SOX4: variants seen among roughly 807,000 people sequenced by gnomAD.
The protein encoded by SOX4 is transcription factor SOX-4.
For missense variants in SOX4, 662 were observed against 694.9 expected (o/e 0.95, Z 0.53); for synonymous variants, 465 against 348.4 (o/e 1.33, Z -3.73).
In SOX4 at chr6:21,594,334, G is replaced by A. The variant is rs755358167; in HGVS notation, c.-201G>A. ...CTATAACTCCTCTGCGAGAGGCGGA[G>A]AACTCCTTCCCCAAATCTTTTGGGG... On this transcript the variant is annotated 5_prime_UTR_variant, in exon 1 of 1. Coordinates refer to ENST00000244745, the MANE Select transcript of SOX4 (RefSeq NM_003107.3). 50 of 518,840 alleles carry A rather than the reference G, an allele frequency of 9.6e-5. No homozygotes were observed. In the East Asian group the frequency reaches 1.7e-3, roughly 18 times the overall value. 32.1% of individuals were successfully genotyped at this position (518,840 alleles called of 1,614,324 possible).
Position 21,596,028 on chromosome 6 carries a change from C to T in SOX4, c.*69C>T, listed in dbSNP as rs553929047. 2 of 1,431,438 alleles carry T rather than the reference C, an allele frequency of 1.4e-6. No homozygotes were observed. The highest frequency in any genetic ancestry group is 1.8e-6 in the Non-Finnish European group (2 of 1,091,672). 88.7% of individuals were successfully genotyped at this position (1,431,438 alleles called of 1,614,324 possible). On this transcript the variant is annotated 3_prime_UTR_variant, in exon 1 of 1. Coordinates refer to ENST00000244745, the MANE Select transcript of SOX4 (RefSeq NM_003107.3). ...AGAAAAAAAAAGTGAAAAAAAGAAA[C>T]GAAAAGGACAGACGAAGAGTTTAAA...
Position 21,595,163 on chromosome 6 carries a change from G to A in SOX4, c.629G>A (p.Gly210Glu), listed in dbSNP as rs1489688091. Residue 210 changes from glycine (G) to glutamate (E), a missense_variant, in exon 1 of 1, where the codon GGG becomes GAG. Coordinates refer to ENST00000244745, the MANE Select transcript of SOX4 (RefSeq NM_003107.3). ...AAAGTGGCGGGCGGCGCGGGCGGTG[G>A]GGTTAGCAAACCGCACGCCAAGCTC... ...GSKVAGGAGG[G>E]VSKPHAKLIL... 1 of 1,315,836 alleles carries A rather than the reference G, an allele frequency of 7.6e-7. No homozygotes were observed. Among genetic ancestry groups the A allele is most frequent in the Non-Finnish European group, 9.6e-7 (1 of 1,041,202 alleles). 81.5% of individuals were successfully genotyped at this position (1,315,836 alleles called of 1,614,324 possible). A position where few individuals can be genotyped will look rare whatever the true frequency, so the allele number is the denominator to read the frequency against.
In SOX4 at chr6:21,593,993, CCA is replaced by C. The variant is rs1763079808; in HGVS notation, c.-539_-538del. Reference sequence around the variant, plus strand: ...ACCAACTCCTTAGTGCCGATTCCGCCCACAGAGAGTCCTGGAGCCACAGTCTT... The same window carrying C: ...ACCAACTCCTTAGTGCCGATTCCGCCCAGAGAGTCCTGGAGCCACAGTCTT... On this transcript the variant is annotated 5_prime_UTR_variant, in exon 1 of 1. An upstream open reading frame in the 5' UTR gains an earlier in-frame stop. Coordinates refer to ENST00000244745, the MANE Select transcript of SOX4 (RefSeq NM_003107.3). 1 of 152,148 alleles carries C rather than the reference CCA, an allele frequency of 6.6e-6. No individual in the cohort carries two copies. The highest frequency in any genetic ancestry group is 1.5e-5 in the Non-Finnish European group (1 of 68,116). The allele number at this position is 152,148 out of a possible 1,614,324, so 9.4% of individuals were successfully genotyped here.
At position 21,596,013 on chromosome 6, in the gene SOX4, A is replaced by C; in HGVS notation, c.*54A>C. The C allele has an allele frequency of 1.4e-6, 2 of 1,440,762 alleles. No individual in the cohort carries two copies. Among genetic ancestry groups the C allele is most frequent in the Non-Finnish European group, 1.8e-6 (2 of 1,096,454 alleles). The allele number at this position is 1,440,762 out of a possible 1,614,324, so 89.2% of individuals were successfully genotyped here. On this transcript the variant is annotated 3_prime_UTR_variant, in exon 1 of 1. Transcript: ENST00000244745. The stretch of plus-strand genomic sequence containing the variant: ...GGGGGGTAGGAGAGGAGAAAAAAAA[A>C]GTGAAAAAAAGAAACGAAAAGGACA...
chr6:21,596,228 G>C lies in SOX4; in HGVS notation c.*269G>C, dbSNP rs1212996617. Reference sequence around the variant, plus strand: ...CGCGGAGGAGGAAGAGGGTAGACAGGGGCGACCTGTGATTGTTGTTATTGA... The same window carrying C: ...CGCGGAGGAGGAAGAGGGTAGACAGCGGCGACCTGTGATTGTTGTTATTGA... On this transcript the variant is annotated 3_prime_UTR_variant, in exon 1 of 1. Coordinates refer to ENST00000244745, the MANE Select transcript of SOX4 (RefSeq NM_003107.3). The C allele has an allele frequency of 2.7e-6, 1 of 369,870 alleles. No homozygotes were observed. The highest frequency in any genetic ancestry group is 5.0e-6 in the Non-Finnish European group (1 of 201,770). The allele number at this position is 369,870 out of a possible 1,614,324, so 22.9% of individuals were successfully genotyped here.
rs1763205316 is a variant in SOX4 at position 21,597,879 on chromosome 6, C to G, written c.*1920C>G. On this transcript the variant is annotated 3_prime_UTR_variant, in exon 1 of 1. Transcript: ENST00000244745. ...GTGACAGTATCCCTTAACCTGCCAC[C>G]AGTGTCCACCCTCCGGCCCCCGTCT... 1 of 167,008 alleles carries G rather than the reference C, an allele frequency of 6.0e-6. No individual in the cohort carries two copies. The highest frequency in any genetic ancestry group is 1.5e-5 in the Non-Finnish European group (1 of 68,102). The allele number at this position is 167,008 out of a possible 1,614,324, so 10.3% of individuals were successfully genotyped here. A position where few individuals can be genotyped will look rare whatever the true frequency, so the allele number is the denominator to read the frequency against.
Position 21,595,138 on chromosome 6 carries a change from A to C in SOX4, c.604A>C (p.Lys202Gln), listed in dbSNP as rs1258943031. 1.5e-6 allele frequency: 2 copies of C among 1,351,226 alleles called. No individual in the cohort carries two copies. Among genetic ancestry groups the C allele is most frequent in the African/African-American group, 1.5e-5 (1 of 64,664 alleles). 83.7% of individuals were successfully genotyped at this position (1,351,226 alleles called of 1,614,324 possible). Reference protein sequence around the residue: ...KPAQKKSCGSKVAGGAGGGVS... With the variant: ...KPAQKKSCGSQVAGGAGGGVS... ...GGCGCAGAAAAAGAGCTGCGGCTCC[A>C]AAGTGGCGGGCGGCGCGGGCGGTGG... Residue 202 changes from lysine to glutamine, a missense_variant, in exon 1 of 1, where the codon AAA becomes CAA. Coordinates refer to ENST00000244745, the MANE Select transcript of SOX4 (RefSeq NM_003107.3).
rs1264945538 is a variant in SOX4 at position 21,598,530 on chromosome 6, A to C, written c.*2571A>C. 1 of 167,036 alleles carries C rather than the reference A, an allele frequency of 6.0e-6. No homozygotes were observed. The allele number at this position is 167,036 out of a possible 1,614,324, so 10.3% of individuals were successfully genotyped here. ...AAAATCATGCCAGCTAATCATGTCA[A>C]GTTCACTGCCTGTCAGATTGTTGAT... is the stretch of plus-strand genomic sequence containing the variant. On this transcript the variant is annotated 3_prime_UTR_variant, in exon 1 of 1. Coordinates refer to ENST00000244745, the MANE Select transcript of SOX4 (RefSeq NM_003107.3).
chr6:21,595,215 G>C lies in SOX4; in HGVS notation c.681G>C (p.Gly227=), dbSNP rs994600059. 1 of 1,201,690 alleles carries C rather than the reference G, an allele frequency of 8.3e-7. No homozygotes were observed. The highest frequency in any genetic ancestry group is 1.0e-6 in the Non-Finnish European group (1 of 973,164). 74.4% of individuals were successfully genotyped at this position (1,201,690 alleles called of 1,614,324 possible). Residue 227 remains glycine, a synonymous_variant, in exon 1 of 1, where the codon GGG becomes GGC. Coordinates refer to ENST00000244745, the MANE Select transcript of SOX4 (RefSeq NM_003107.3). ...TCCTGGCAGGCGGCGGCGGCGGCGG[G>C]AAAGCAGCGGCTGCCGCCGCCGCCT... ...KLILAGGGGG[G]KAAAAAAASF...
At position 21,594,364 on chromosome 6, in the gene SOX4, TTC is replaced by T. The variant is rs2113556569; in HGVS notation, c.-165_-164del. On this transcript the variant is annotated 5_prime_UTR_variant, in exon 1 of 1. Transcript: ENST00000244745. ...CCTTCCCCAAATCTTTTGGGGACTT[TTC>T]TCTCTTTACCCACCTCCGCCCCTGC... 1.3e-6 allele frequency: 1 copy of T among 770,840 alleles called. No individual in the cohort carries two copies. The highest frequency in any genetic ancestry group is 1.8e-6 in the Non-Finnish European group (1 of 557,624). 47.8% of individuals were successfully genotyped at this position (770,840 alleles called of 1,614,324 possible). A position where few individuals can be genotyped will look rare whatever the true frequency, so the allele number is the denominator to read the frequency against.
At position 21,593,790 on chromosome 6, in the gene SOX4, G is replaced by A. The variant is rs2113555949; in HGVS notation, c.-745G>A. The A allele has an allele frequency of 6.6e-6, 1 of 152,402 alleles. No individual in the cohort carries two copies. Among genetic ancestry groups the A allele is most frequent in the South Asian group, 2.1e-4 (1 of 4,820 alleles). The allele number at this position is 152,402 out of a possible 1,614,324, so 9.4% of individuals were successfully genotyped here. A position where few individuals can be genotyped will look rare whatever the true frequency, so the allele number is the denominator to read the frequency against. On this transcript the variant is annotated 5_prime_UTR_variant, in exon 1 of 1. Coordinates refer to ENST00000244745, the MANE Select transcript of SOX4 (RefSeq NM_003107.3). ...CAAGAGAAACTGTGTGTGAGGGGAA[G>A]AGGCCTGTTTCGCTGTCGGGTCTCT...
rs1266557738 is a variant in SOX4 at position 21,594,547 on chromosome 6, A to G, written c.13A>G (p.Thr5Ala). 2 of 1,600,402 alleles carry G rather than the reference A, an allele frequency of 1.2e-6. No homozygotes were observed. Among genetic ancestry groups the G allele is most frequent in the Middle Eastern group, 2.0e-4 (1 of 5,094 alleles). ...CCGAGCCGAGGCCATGGTGCAGCAAACCAACAATGCCGAGAACACGGAAGC... is the reference window on the plus strand; with the variant it reads ...CCGAGCCGAGGCCATGGTGCAGCAAGCCAACAATGCCGAGAACACGGAAGC... Reference protein sequence around the residue: MVQQTNNAENTEALL... With the variant: MVQQANNAENTEALL... Residue 5 changes from threonine (T) to alanine (A), a missense_variant, in exon 1 of 1, where the codon ACC becomes GCC. Transcript: ENST00000244745.
Position 21,595,332 on chromosome 6 carries a change from CGCCTCGGCCTCCGCCTCCTCGGCA to C in SOX4, c.813_836del (p.Ser272_Ala279del), listed in dbSNP as rs753545719. On this transcript the variant is annotated inframe_deletion, in exon 1 of 1. Coordinates refer to ENST00000244745, the MANE Select transcript of SOX4 (RefSeq NM_003107.3). Reference sequence around the variant, plus strand: ...CGCTGTACAAGGCGCGGACTCCCAGCGCCTCGGCCTCCGCCTCCTCGGCAGCCTCGGCCTCCGCAGCGCTCGCGG... The same window carrying C: ...CGCTGTACAAGGCGCGGACTCCCAGCGCCTCGGCCTCCGCAGCGCTCGCGG... 5.1e-5 allele frequency: 76 copies of C among 1,495,562 alleles called. No individual in the cohort carries two copies. The East Asian group carries it at 9.9e-4, about 19-fold the overall frequency. The allele number at this position is 1,495,562 out of a possible 1,614,324, so 92.6% of individuals were successfully genotyped here. A position where few individuals can be genotyped will look rare whatever the true frequency, so the allele number is the denominator to read the frequency against.
At position 21,593,833 on chromosome 6, in the gene SOX4, T is replaced by C. The variant is rs543219970; in HGVS notation, c.-702T>C. On this transcript the variant is annotated 5_prime_UTR_variant, in exon 1 of 1. Transcript: ENST00000244745. Reference sequence around the variant, plus strand: ...GGGTCTCTAGTTCTTGCACGCTCTTTAAGAGTCTGCACTGGAGGAACTCCT... The same window carrying C: ...GGGTCTCTAGTTCTTGCACGCTCTTCAAGAGTCTGCACTGGAGGAACTCCT... The C allele has an allele frequency of 2.0e-5, 3 of 152,332 alleles. No homozygotes were observed. The East Asian group carries it at 5.8e-4, about 29-fold the overall frequency. The allele number at this position is 152,332 out of a possible 1,614,324, so 9.4% of individuals were successfully genotyped here. A position where few individuals can be genotyped will look rare whatever the true frequency, so the allele number is the denominator to read the frequency against.
At position 21,594,272 on chromosome 6, in the gene SOX4, C is replaced by CGA; in HGVS notation, c.-255_-254dup. The CGA allele has an allele frequency of 2.7e-6, 1 of 369,996 alleles. No individual in the cohort carries two copies. Among genetic ancestry groups the CGA allele is most frequent in the Non-Finnish European group, 4.7e-6 (1 of 211,544 alleles). 22.9% of individuals were successfully genotyped at this position (369,996 alleles called of 1,614,324 possible). On this transcript the variant is annotated 5_prime_UTR_variant, in exon 1 of 1. Transcript: ENST00000244745. ...AGCAAACTGCAGCGCGGTGAGAGAG[C>CGA]GAGAGAGAGGGAGAGAGAGACTCTC...
Position 21,595,887 on chromosome 6 carries a change from G to C in SOX4, c.1353G>C (p.Thr451=). The C allele has an allele frequency of 6.2e-7, 1 of 1,606,154 alleles. No individual in the cohort carries two copies. The highest frequency in any genetic ancestry group is 1.3e-5 in the African/African-American group (1 of 74,758). Residue 451 remains threonine (T), a synonymous_variant, in exon 1 of 1, where the codon ACG becomes ACC. Coordinates refer to ENST00000244745, the MANE Select transcript of SOX4 (RefSeq NM_003107.3). ...ACTTCGAGTTCCCGGACTACTGCAC[G>C]CCCGAGGTGAGCGAGATGATCTCGG... ...GSHFEFPDYC[T]PEVSEMISGD... is the part of the protein sequence containing the mutation.
In SOX4 at chr6:21,595,942, C is replaced by G. The variant is rs1278202300; in HGVS notation, c.1408C>G (p.Leu470Val). 6.4e-7 allele frequency: 1 copy of G among 1,552,364 alleles called. No homozygotes were observed. Among genetic ancestry groups the G allele is most frequent in the African/African-American group, 1.4e-5 (1 of 72,630 alleles). The change falls in exon 1 of 1, where the codon CTG becomes GTG. Residue 470 changes from leucine (L) to valine (V), a missense_variant. By Grantham distance (32) the Leu-to-Val change is conservative. Coordinates refer to ENST00000244745, the MANE Select transcript of SOX4 (RefSeq NM_003107.3). Reference sequence around the variant, plus strand: ...CTGGCTCGAGTCCAGCATCTCCAACCTGGTTTTCACCTACTGAAGGGCGCG... The same window carrying G: ...CTGGCTCGAGTCCAGCATCTCCAACGTGGTTTTCACCTACTGAAGGGCGCG... ...GDWLESSISN[L>V]VFTY
At position 21,595,779 on chromosome 6, in the gene SOX4, G is replaced by A; in HGVS notation, c.1245G>A (p.Glu415=). Residue 415 remains glutamate (E), a synonymous_variant, in exon 1 of 1, where the codon GAG becomes GAA. Coordinates refer to ENST00000244745, the MANE Select transcript of SOX4 (RefSeq NM_003107.3). Reference sequence around the variant, plus strand: ...ACCTGAACCCCAGCTCAAACTTTGAGAGCATGTCCCTGGGCAGCTTCAGTT... The same window carrying A: ...ACCTGAACCCCAGCTCAAACTTTGAAAGCATGTCCCTGGGCAGCTTCAGTT... ...LLDLNPSSNF[E]SMSLGSFSSS... The A allele has an allele frequency of 1.2e-6, 2 of 1,613,560 alleles. No individual in the cohort carries two copies. The highest frequency in any genetic ancestry group is 1.7e-6 in the Non-Finnish European group (2 of 1,179,992).
rs1015558536 is a variant in SOX4 at position 21,596,652 on chromosome 6, G to A, written c.*693G>A. The stretch of plus-strand genomic sequence containing the variant: ...TTTCCCCTTGCCCCCTCTGCAGCCG[G>A]AGGAGGAGATGTTGAGGGGAGGAGG... On this transcript the variant is annotated 3_prime_UTR_variant, in exon 1 of 1. Coordinates refer to ENST00000244745, the MANE Select transcript of SOX4 (RefSeq NM_003107.3). The A allele has an allele frequency of 2.4e-5, 4 of 167,310 alleles. No individual in the cohort carries two copies. Among genetic ancestry groups the A allele is most frequent in the Non-Finnish European group, 4.4e-5 (3 of 68,358 alleles). 10.4% of individuals were successfully genotyped at this position (167,310 alleles called of 1,614,324 possible).
Sources: gnomAD v4.1 joint callset for allele counts on GRCh38, gnomAD v4.1.1 for gene constraint, MANE v1.5 for transcripts, NCBI Gene and HGNC (gene_info 2026-07-23, HGNC 2026-07-21) for gene names.